Variants in DCHS1 observed in about 807,000 individuals in gnomAD.
The protein encoded by DCHS1 is protocadherin-16.
Under a neutral mutation model 213.9 loss-of-function variants are expected in DCHS1, and 78 were observed. The ratio of observed to expected loss-of-function variants is 0.36; its 90% confidence interval spans 0.30 to 0.44. The LOEUF (loss-of-function observed/expected upper bound fraction) is 0.44. DCHS1 is among the 20% of genes least tolerant of loss of function. The pLI, the probability that DCHS1 is intolerant of heterozygous loss-of-function variation, is 1.00. For synonymous variants in DCHS1, 1,828 were observed against 1,873.7 expected (o/e 0.98, Z 0.63); for missense variants, 3,946 against 4,395.9 (o/e 0.90, Z 2.89).
rs371379877 is a variant in DCHS1, at chr11:6,631,198, T to A, written c.3785A>T (p.Glu1262Val). 2.1e-5 allele frequency: 34 copies of A among 1,611,462 alleles called. No individual in the cohort carries two copies. The highest frequency in any genetic ancestry group is 2.7e-5 in the African/African-American group (2 of 74,720). Reference sequence around the variant, plus strand: ...TGAGTGAGGGTGCAGAGAGAAAAGCTCTGAGCCAGGACCTGGGGACAGGCA... The same window carrying A: ...TGAGTGAGGGTGCAGAGAGAAAAGCACTGAGCCAGGACCTGGGGACAGGCA... Reference protein sequence around the residue: ...ILYTLTGPGSELFSLHPHSGE... With the variant: ...ILYTLTGPGSVLFSLHPHSGE... Residue 1262 changes from glutamate (E) to valine (V), a missense_variant, in exon 9 of 21, where the codon GAG becomes GTG. Around this residue, in one of 3 missense-constraint regions of DCHS1, gnomAD observed 3,384 missense variants for 3,780.1 expected, o/e 0.90. Transcript: ENST00000299441.
At position 6,625,615 on chromosome 11, in the gene DCHS1, C is replaced by T. The variant is rs778154008; in HGVS notation, c.6844G>A (p.Glu2282Lys). 2.0e-5 allele frequency: 32 copies of T among 1,613,474 alleles called. No homozygotes were observed. The highest frequency in any genetic ancestry group is 1.4e-5 in the Non-Finnish European group (17 of 1,179,838). Reference sequence around the variant, plus strand: ...GCCTCACCTTCTGACACTCGGAGCTCCCAGGGTTGGGGGATGGTGGGGCGA... The same window carrying T: ...GCCTCACCTTCTGACACTCGGAGCTTCCAGGGTTGGGGGATGGTGGGGCGA... The part of the protein sequence containing the change: ...DNRPTIPQPW[E>K]LRVSEDALLG... Residue 2282 changes from glutamate to lysine, a missense_variant, in exon 18 of 21, where the codon GAG (glutamate) becomes AAG (lysine). Glu to Lys is a moderately conservative substitution (Grantham distance 56). Around this residue, in one of 3 missense-constraint regions of DCHS1, gnomAD observed 3,384 missense variants for 3,780.1 expected, o/e 0.90. Coordinates refer to ENST00000299441, the MANE Select transcript of DCHS1 (RefSeq NM_003737.4). The surrounding 1 kb of genome is among the most constrained non-coding windows in gnomAD (Gnocchi z 5.3).
intron 1 of DCHS1, among the ~76,000 whole-genome samples, chr11:6,651,391 G>T (rs1271102833): frequency 6.6e-6 from 1 of 152,234 alleles, no homozygotes; most frequent in Non-Finnish European, 1.5e-5. Context: ...CAAAACGTGA[G>T]GGGGCTGGGG....
At position 6,622,578 on chromosome 11, in the gene DCHS1, C is replaced by G; in HGVS notation, c.9098G>C (p.Arg3033Pro). 1 of 1,580,220 alleles carries G rather than the reference C, an allele frequency of 6.3e-7. No individual in the cohort carries two copies. Among genetic ancestry groups the G allele is most frequent in the Non-Finnish European group, 8.6e-7 (1 of 1,163,820 alleles). ...ATCCTCTGCAGCCTCTGCTGATCCT[C>G]GGCCACTTGAATGTGAAGGGTCCAA... Reference protein sequence around the residue: ...GSLDPSHSSGRGSAEAAEDDE... With the variant: ...GSLDPSHSSGPGSAEAAEDDE... Residue 3033 changes from arginine (R) to proline (P), a missense_variant, in exon 21 of 21, where the codon CGA (arginine) becomes CCA (proline). Physicochemically the swap from Arg to Pro is moderately radical, Grantham distance 103. Coordinates refer to ENST00000299441, the MANE Select transcript of DCHS1 (RefSeq NM_003737.4). This position sits in a 1 kb window ranked among gnomAD's most constrained non-coding sequence, Gnocchi z 5.4.
rs1451091837 is a variant in DCHS1, at chr11:6,641,817, A to G, written c.-120-84T>C. 2 of 1,161,270 alleles carry G rather than the reference A, an allele frequency of 1.7e-6. No individual in the cohort carries two copies. Among genetic ancestry groups the G allele is most frequent in the Non-Finnish European group, 1.2e-6 (1 of 855,514 alleles). The allele number at this position is 1,161,270 out of a possible 1,614,324, so 71.9% of individuals were successfully genotyped here. On this transcript the variant is annotated intron_variant, in intron 1 of 20. Coordinates refer to ENST00000299441, the MANE Select transcript of DCHS1 (RefSeq NM_003737.4). This position sits in a 1 kb window ranked among gnomAD's most constrained non-coding sequence, Gnocchi z 7.1. Reference sequence around the variant, plus strand: ...CCTGGACGAGGCCACATCAACATTCAGATATGCTCAGCCCCCAGCAGGCCC... The same window carrying G: ...CCTGGACGAGGCCACATCAACATTCGGATATGCTCAGCCCCCAGCAGGCCC...
intron 1 of DCHS1, among the ~76,000 whole-genome samples, chr11:6,649,844 C>T (rs777655989): frequency 6.6e-6 from 1 of 152,104 alleles, no homozygotes; most frequent in Admixed American, 6.5e-5. Flanking sequence ...ATGTAGCAAC[C>T]AGAATGTTGA....
rs2134645959 is a variant in DCHS1 at position 6,641,202 on chromosome 11, C to T, written c.412G>A (p.Asp138Asn). 1 of 1,613,612 alleles carries T rather than the reference C, an allele frequency of 6.2e-7. No homozygotes were observed. The highest frequency in any genetic ancestry group is 8.5e-7 in the Non-Finnish European group (1 of 1,179,880). ...GCCTGTGGGAAGGCTGGAGCATGGT[C>T]GTTGATGTCAGCCACTCGCACTGTA... The part of the protein sequence containing the change: ...EVTVRVADIN[D>N]HAPAFPQARA... Residue 138 changes from aspartate to asparagine, a missense_variant, in exon 2 of 21, where the codon GAC (aspartate) becomes AAC (asparagine). By Grantham distance (23) the Asp-to-Asn change is conservative (BLOSUM62 1). Coordinates refer to ENST00000299441, the MANE Select transcript of DCHS1 (RefSeq NM_003737.4). This position sits in a 1 kb window ranked among gnomAD's most constrained non-coding sequence, Gnocchi z 7.1.
chr11:6,630,539 G>C lies in DCHS1; in HGVS notation c.4255C>G (p.Leu1419Val). 6.5e-7 allele frequency: 1 copy of C among 1,532,152 alleles called. No homozygotes were observed. The allele number at this position is 1,532,152 out of a possible 1,614,324, so 94.9% of individuals were successfully genotyped here. Residue 1419 changes from leucine to valine, a missense_variant, in exon 10 of 21, where the codon CTG (leucine) becomes GTG (valine). Leu to Val is a conservative substitution (Grantham distance 32). This residue lies in a region of DCHS1 where 3,384 missense variants were observed against 3,780.1 expected (regional missense o/e 0.90). Coordinates refer to ENST00000299441, the MANE Select transcript of DCHS1 (RefSeq NM_003737.4). ...TGCACTTGCACCTGCACTCGCAGCA[G>C]CCGCGCGCCCGCGCCTCCCGGCCCC... is the stretch of plus-strand genomic sequence containing the variant. The part of the protein sequence containing the change: ...AEGPGGAGAR[L>V]LRVQVQVQDE...
chr11:6,627,685 C>G lies in DCHS1; in HGVS notation c.5372-18G>C. ...GTCCCCATCTGCAGAGAAGGGCATG[C>G]ACATATAAATATACATGTGTCGTGG... On this transcript the variant is annotated intron_variant, in intron 13 of 20. Transcript: ENST00000299441. This position sits in a 1 kb window ranked among gnomAD's most constrained non-coding sequence, Gnocchi z 5.4. The G allele has an allele frequency of 6.2e-7, 1 of 1,605,528 alleles. No individual in the cohort carries two copies. The highest frequency in any genetic ancestry group is 8.5e-7 in the Non-Finnish European group (1 of 1,174,692).
intron 1 of DCHS1, among the ~76,000 whole-genome samples, chr11:6,645,358 G>C (rs190222700): frequency 2.7e-4 from 41 of 152,320 alleles, no homozygotes; most frequent in Admixed American, 5.2e-4. Context: ...CCAAAGGCTG[G>C]GCTAGGGGTC....
At position 6,626,192 on chromosome 11, in the gene DCHS1, G is replaced by T. The variant is rs1431637248; in HGVS notation, c.6553C>A (p.Pro2185Thr). 1 of 1,609,396 alleles carries T rather than the reference G, an allele frequency of 6.2e-7. No homozygotes were observed. Among genetic ancestry groups the T allele is most frequent in the African/African-American group, 1.3e-5 (1 of 74,810 alleles). Residue 2185 changes from proline (P) to threonine (T), a missense_variant, in exon 16 of 21, where the codon CCC becomes ACC. Coordinates refer to ENST00000299441, the MANE Select transcript of DCHS1 (RefSeq NM_003737.4). This position sits in a 1 kb window ranked among gnomAD's most constrained non-coding sequence, Gnocchi z 5.2. ...ACCTGCAGCAGGGGCCCCTCCAAGG[G>T]CCGGGACTCAGGAAGGAAGGCCACA... ...HYVAFLPESR[P>T]LEGPLLQVEA...
chr11:6,627,736 GGAGA>G lies in DCHS1; in HGVS notation c.5372-73_5372-70del. ...GGATGGGGGTGATTTACAGACAACA[GGAGA>G]GAGTGAGCATGTGCACAAAAGCAAG... On this transcript the variant is annotated intron_variant, in intron 13 of 20. Coordinates refer to ENST00000299441, the MANE Select transcript of DCHS1 (RefSeq NM_003737.4). This position sits in a 1 kb window ranked among gnomAD's most constrained non-coding sequence, Gnocchi z 5.4. The G allele has an allele frequency of 6.6e-7, 1 of 1,509,390 alleles. No individual in the cohort carries two copies. The highest frequency in any genetic ancestry group is 2.3e-5 in the East Asian group (1 of 43,540). The allele number at this position is 1,509,390 out of a possible 1,614,324, so 93.5% of individuals were successfully genotyped here.
At position 6,630,472 on chromosome 11, in the gene DCHS1, A is replaced by G. The variant is rs1270065934; in HGVS notation, c.4322T>C (p.Leu1441Pro). The part of the protein sequence containing the change: ...EHAPAFARDP[L>P]ALALPENPEP... The stretch of plus-strand genomic sequence containing the variant: ...CGGGTTCTCTGGCAGCGCCAGCGCC[A>G]GCGGGTCGCGCGCAAAGGCGGGCGC... Residue 1441 changes from leucine to proline, a missense_variant, in exon 10 of 21, where the codon CTG becomes CCG. By Grantham distance (98) the Leu-to-Pro change is moderately conservative. Around this residue, in one of 3 missense-constraint regions of DCHS1, gnomAD observed 3,384 missense variants for 3,780.1 expected, o/e 0.90. Coordinates refer to ENST00000299441, the MANE Select transcript of DCHS1 (RefSeq NM_003737.4). 6.5e-7 allele frequency: 1 copy of G among 1,529,734 alleles called. No homozygotes were observed. The highest frequency in any genetic ancestry group is 1.9e-5 in the Admixed American group (1 of 52,712). 94.8% of individuals were successfully genotyped at this position (1,529,734 alleles called of 1,614,324 possible).
Position 6,641,579 on chromosome 11 carries a change from G to A in DCHS1, c.35C>T (p.Pro12Leu). The A allele has an allele frequency of 6.4e-7, 1 of 1,550,468 alleles. No individual in the cohort carries two copies. ...QKELGIVPSCPGMKSPRPHLL... is the reference protein window; with the variant it reads ...QKELGIVPSCLGMKSPRPHLL... Reference sequence around the variant, plus strand: ...GTGGGGCCTGGGGCTCTTCATGCCAGGGCAGGAAGGCACAATGCCCAGCTC... The same window carrying A: ...GTGGGGCCTGGGGCTCTTCATGCCAAGGCAGGAAGGCACAATGCCCAGCTC... The change falls in exon 2 of 21, where the codon CCT (proline) becomes CTT (leucine). Residue 12 changes from proline to leucine, a missense_variant. Physicochemically the swap from Pro to Leu is moderately conservative, Grantham distance 98. This residue lies in a region of DCHS1 where 3,384 missense variants were observed against 3,780.1 expected (regional missense o/e 0.90). Coordinates refer to ENST00000299441, the MANE Select transcript of DCHS1 (RefSeq NM_003737.4). The surrounding 1 kb of genome is among the most constrained non-coding windows in gnomAD (Gnocchi z 7.1).
rs1433781981 is a variant in DCHS1, at chr11:6,632,822, G to A, written c.2690C>T (p.Pro897Leu). Residue 897 changes from proline to leucine, a missense_variant, in exon 6 of 21, where the codon CCT becomes CTT. Transcript: ENST00000299441. The surrounding 1 kb of genome is among the most constrained non-coding windows in gnomAD (Gnocchi z 5.9). ...VNDNSPAFPA[P>L]EDTVLLPPNT... The stretch of plus-strand genomic sequence containing the variant: ...TGGTGGTAGCAATACCGTGTCTTCA[G>A]GTGCAGGAAAGGCAGGGGAGTTGTC... The A allele has an allele frequency of 1.2e-6, 2 of 1,614,014 alleles. No homozygotes were observed. Among genetic ancestry groups the A allele is most frequent in the Non-Finnish European group, 8.5e-7 (1 of 1,179,882 alleles).
At chr11:6,655,502 A>AG in intron 1 of DCHS1, 61 bp downstream of exon 1, 1 of 932,100 alleles carries the variant, frequency 1.1e-6, no homozygotes, top group Non-Finnish European at 1.3e-6. Context: ...GCCGCAGCCC[A>AG]GGGGAGGCCG....
chr11:6,634,370 C>G, intron 2 of DCHS1, 64 bp from the exon 3 acceptor site: 1 of 1,499,506 alleles, frequency 6.7e-7, no homozygotes, highest in Non-Finnish European at 8.9e-7. Flanking sequence ...AGGTAGGTGG[C>G]CATTAGAATG....
chr11:6,630,389 TGGGGCC>T lies in DCHS1; in HGVS notation c.4399_4404del (p.Gly1467_Pro1468del), dbSNP rs1230870200. ...AGCAGGCGGTAGCGCACGTCGCTATTGGGGCCGGGGCCGTCGGCGTCCGACGCGCGG... is the reference window on the plus strand; with the variant it reads ...AGCAGGCGGTAGCGCACGTCGCTATTGGGGCCGTCGGCGTCCGACGCGCGG... On this transcript the variant is annotated inframe_deletion, in exon 10 of 21. Transcript: ENST00000299441. 7.2e-7 allele frequency: 1 copy of T among 1,397,778 alleles called. No homozygotes were observed. Among genetic ancestry groups the T allele is most frequent in the Non-Finnish European group, 9.3e-7 (1 of 1,079,922 alleles). 86.6% of individuals were successfully genotyped at this position (1,397,778 alleles called of 1,614,324 possible). A position where few individuals can be genotyped will look rare whatever the true frequency, so the allele number is the denominator to read the frequency against.
At position 6,622,340 on chromosome 11, in the gene DCHS1, G is replaced by T; in HGVS notation, c.9336C>A (p.Pro3112=). ...AGATLYREEG[P]PATATAFLGG... The stretch of plus-strand genomic sequence containing the variant: ...CCAGGAAGGCTGTGGCAGTGGCTGG[G>T]GGCCCCTCCTCTCTGTAGAGAGTGG... Residue 3112 remains proline, a synonymous_variant, in exon 21 of 21, where the codon CCC becomes CCA. Coordinates refer to ENST00000299441, the MANE Select transcript of DCHS1 (RefSeq NM_003737.4). The surrounding 1 kb of genome is among the most constrained non-coding windows in gnomAD (Gnocchi z 5.4). 1 of 1,599,066 alleles carries T rather than the reference G, an allele frequency of 6.3e-7. No individual in the cohort carries two copies. Among genetic ancestry groups the T allele is most frequent in the East Asian group, 2.3e-5 (1 of 44,332 alleles).
chr11:6,623,114 G>C lies in DCHS1; in HGVS notation c.8562C>G (p.Thr2854=). ...ADGLVLYSLA[T]SSPYFGINQT... is the part of the protein sequence containing the mutation. ...GGTTAATACCAAAATAGGGGGAAGAGGTGGCAAGGGAATACAGAACCAGGC... is the reference window on the plus strand; with the variant it reads ...GGTTAATACCAAAATAGGGGGAAGACGTGGCAAGGGAATACAGAACCAGGC... The change falls in exon 21 of 21, where the codon ACC becomes ACG. Residue 2854 remains threonine, a synonymous_variant. Coordinates refer to ENST00000299441, the MANE Select transcript of DCHS1 (RefSeq NM_003737.4). 1 of 1,606,102 alleles carries C rather than the reference G, an allele frequency of 6.2e-7. No homozygotes were observed. Among genetic ancestry groups the C allele is most frequent in the Non-Finnish European group, 8.5e-7 (1 of 1,176,208 alleles).
Sources: allele counts gnomAD v4.1 joint callset (sites outside exome capture counted in the v4.1 genomes callset), GRCh38; gene constraint gnomAD v4.1.1; regional missense constraint gnomAD v4.1.1; non-coding constraint Gnocchi (gnomAD v3.1); transcripts MANE v1.5; gene names NCBI Gene and HGNC (gene_info 2026-07-23, HGNC 2026-07-21).